Variants in NEK7 observed in about 807,000 individuals in gnomAD.
The protein encoded by NEK7 is NIMA related kinase 7, also known as serine/threonine-protein kinase Nek7.
Under a neutral mutation model 44.6 loss-of-function variants are expected in NEK7, and 18 were observed. That is an observed-to-expected ratio of 0.40 (90% CI 0.28 to 0.60). The LOEUF is 0.60. Ranked by LOEUF, NEK7 falls within the 20% of genes least tolerant of loss-of-function variation. The probability of loss-of-function intolerance (pLI) is 0.38; values close to 1 mark genes in which losing one functional copy is unlikely to be tolerated. For synonymous variants in NEK7, 130 were observed against 121.1 expected, an observed-to-expected ratio of 1.07 and a Z score of -0.48; for missense variants, 256 against 366.5, an observed-to-expected ratio of 0.70 and a Z score of 2.46.
intron 1 of NEK7, among the ~76,000 whole-genome samples, chr1:198,157,525 GGCC>G (rs1156895463): frequency 2.6e-5 from 4 of 152,226 alleles, no homozygotes; most frequent in African/African-American, 9.6e-5. Context: ...AGAGGCCCGA[GGCC>G]GCCAAGGGCG....
intron 1 of NEK7, among the ~76,000 whole-genome samples, chr1:198,210,838 C>T (rs1168396975): frequency 1.2e-4 from 17 of 147,800 alleles, no homozygotes; most frequent in African/African-American, 1.7e-4. Context: ...CTGCAAGCTC[C>T]GCCTCCCGGG....
At chr1:198,314,949 G>A (rs1234755683) in intron 9 of NEK7, among the ~76,000 whole-genome samples, 1 of 152,228 alleles carries the variant, frequency 6.6e-6, no homozygotes, top group East Asian at 1.9e-4. Flanking sequence ...CTTGAGCTGT[G>A]GTGAGCTCCA....
Position 198,292,934 on chromosome 1 carries a change from T to C in NEK7, c.590-11T>C. The C allele has an allele frequency of 1.4e-6, 2 of 1,456,358 alleles. No individual in the cohort carries two copies. The highest frequency in any genetic ancestry group is 1.9e-6 in the Non-Finnish European group (2 of 1,039,156). The allele number at this position is 1,456,358 out of a possible 1,614,324, so 90.2% of individuals were successfully genotyped here. A position where few individuals can be genotyped will look rare whatever the true frequency, so the allele number is the denominator to read the frequency against. On this transcript the variant is annotated splice_polypyrimidine_tract_variant and intron_variant, in intron 7 of 9. Coordinates refer to ENST00000367385, the MANE Select transcript of NEK7 (RefSeq NM_133494.3). ...TATACCTCTTACTTTATTTGGTTTG[T>C]TTTTTTGCAGTTGGTACGCCTTATT...
intron 9 of NEK7, among the ~76,000 whole-genome samples, chr1:198,311,337 C>G (rs1225915193): frequency 1.3e-5 from 2 of 152,002 alleles, no homozygotes; most frequent in Non-Finnish European, 2.9e-5. Flanking sequence ...GAGATTTTGG[C>G]CTGAGACATT....
At chr1:198,292,176 C>T (rs1654578963) in intron 7 of NEK7, among the ~76,000 whole-genome samples, 1 of 151,922 alleles carries the variant, frequency 6.6e-6, no homozygotes, top group African/African-American at 2.4e-5. Context: ...TTTTACACTT[C>T]AAAGTGTAAC....
At chr1:198,238,326 A>G (rs1246866493) in intron 2 of NEK7, among the ~76,000 whole-genome samples, 1 of 151,848 alleles carries the variant, frequency 6.6e-6, no homozygotes, top group African/African-American at 2.4e-5. Flanking sequence ...CTAGAACACT[A>G]CTTCTCCTTT....
At chr1:198,164,735 G>A (rs1000493299) in intron 1 of NEK7, among the ~76,000 whole-genome samples, 13 of 152,106 alleles carry the variant, frequency 8.5e-5, no homozygotes, top group South Asian at 2.1e-4. Flanking sequence ...AAATGATTAC[G>A]GTGACGGTCA....
rs1655524652 is a variant in NEK7 at position 198,321,176 on chromosome 1, T to C, written c.*1654T>C. ...GAATGCTTTCAAGCATTTGTAAACTTAAAAAATGTATAAAGGGCAAAAAGT... is the reference window on the plus strand; with the variant it reads ...GAATGCTTTCAAGCATTTGTAAACTCAAAAAATGTATAAAGGGCAAAAAGT... On this transcript the variant is annotated 3_prime_UTR_variant, in exon 10 of 10. Transcript: ENST00000367385. The C allele has an allele frequency of 6.6e-6, 1 of 152,214 alleles. No individual in the cohort carries two copies. The highest frequency in any genetic ancestry group is 1.5e-5 in the Non-Finnish European group (1 of 68,032). 9.4% of individuals were successfully genotyped at this position (152,214 alleles called of 1,614,324 possible). A position where few individuals can be genotyped will look rare whatever the true frequency, so the allele number is the denominator to read the frequency against.
intron 1 of NEK7, among the ~76,000 whole-genome samples, chr1:198,219,063 T>C (rs1206642780): frequency 6.6e-6 from 1 of 151,874 alleles, no homozygotes; most frequent in Non-Finnish European, 1.5e-5. Context: ...GATGGGTGTC[T>C]ACCCAAAGAA....
chr1:198,273,681 C>G (rs776929727), intron 5 of NEK7, among the ~76,000 whole-genome samples: 4 of 151,572 alleles, frequency 2.6e-5, no homozygotes, highest in Non-Finnish European at 5.9e-5. Context: ...CATGTTAAGA[C>G]CTTTTATAGT....
intron 5 of NEK7, among the ~76,000 whole-genome samples, chr1:198,265,576 T>G (rs983935785): frequency 2.6e-5 from 4 of 152,064 alleles, no homozygotes; most frequent in African/African-American, 9.7e-5. Flanking sequence ...GGAGTACATA[T>G]TTGGCTTTCT....
chr1:198,250,402 T>C (rs952858849), intron 2 of NEK7, among the ~76,000 whole-genome samples: 1 of 152,166 alleles, frequency 6.6e-6, no homozygotes, highest in African/African-American at 2.4e-5. Context: ...AGCAGTTTTT[T>C]CCAATTCTGT....
chr1:198,270,072 G>A (rs865947311), intron 5 of NEK7, among the ~76,000 whole-genome samples: 17 of 151,814 alleles, frequency 1.1e-4, no homozygotes, highest in African/African-American at 2.4e-4. Context: ...CTAATGTCAA[G>A]AAACATATTT....
chr1:198,214,807 C>G (rs181187610), intron 1 of NEK7, among the ~76,000 whole-genome samples: 2 of 152,124 alleles, frequency 1.3e-5, no homozygotes, highest in East Asian at 3.9e-4. Context: ...ATTTAGAAAT[C>G]TAAATACAAG....
chr1:198,321,230 A>G lies in NEK7; in HGVS notation c.*1708A>G, dbSNP rs889022469. The G allele has an allele frequency of 6.6e-6, 1 of 152,168 alleles. No homozygotes were observed. Among genetic ancestry groups the G allele is most frequent in the Non-Finnish European group, 1.5e-5 (1 of 68,028 alleles). 9.4% of individuals were successfully genotyped at this position (152,168 alleles called of 1,614,324 possible). A position where few individuals can be genotyped will look rare whatever the true frequency, so the allele number is the denominator to read the frequency against. ...AACCCTTGTTTTCTGAAATCTAATC[A>G]GTTATGTATGGTTTCTGAAGGGTAA... On this transcript the variant is annotated 3_prime_UTR_variant, in exon 10 of 10. Coordinates refer to ENST00000367385, the MANE Select transcript of NEK7 (RefSeq NM_133494.3).
intron 8 of NEK7, among the ~76,000 whole-genome samples, chr1:198,294,126 C>T (rs561549118): frequency 7.1e-4 from 108 of 151,850 alleles, no homozygotes; most frequent in African/African-American, 2.5e-3. Flanking sequence ...TTTAAGGAAC[C>T]TGAAATTATT....
intron 3 of NEK7, among the ~76,000 whole-genome samples, chr1:198,260,387 A>G (rs1410070669): frequency 6.6e-6 from 1 of 151,604 alleles, no homozygotes; most frequent in Non-Finnish European, 1.5e-5. Context: ...GAACTTTGTG[A>G]TAGTGATTTG....
chr1:198,290,432 A>G (rs747634513), intron 7 of NEK7, among the ~76,000 whole-genome samples: 1 of 152,160 alleles, frequency 6.6e-6, no homozygotes, highest in African/African-American at 2.4e-5. Context: ...ATGTACTGCA[A>G]ATTTTCCTGA....
intron 4 of NEK7, among the ~76,000 whole-genome samples, chr1:198,263,652 G>T (rs1296469471): frequency 6.6e-6 from 1 of 151,896 alleles, no homozygotes; most frequent in Non-Finnish European, 1.5e-5. Flanking sequence ...GCAATAGTTA[G>T]ATATAGTATA....
Sources: allele counts gnomAD v4.1 joint callset (sites outside exome capture counted in the v4.1 genomes callset), GRCh38; gene constraint gnomAD v4.1.1; transcripts MANE v1.5; gene names NCBI Gene and HGNC (gene_info 2026-07-23, HGNC 2026-07-21).